The following POLR3B variants were observed in gnomAD, a reference collection of about 807,000 sequenced individuals.
The protein encoded by POLR3B is DNA-directed RNA polymerase III subunit RPC2.
In POLR3B, 96 loss-of-function variants were observed where a neutral mutation model predicts 147.4. The ratio of observed to expected loss-of-function variants is 0.65; its 90% CI spans 0.55 to 0.77. The LOEUF is 0.77. Among genes scored for constraint, POLR3B ranks in the 30% least tolerant of loss-of-function variants. POLR3B has a pLI of 0.00. For synonymous variants in POLR3B, 461 were observed against 485.9 expected (o/e 0.95, Z 0.67); for missense variants, 1,036 against 1,413.5 (o/e 0.73, Z 4.28).
At chr12:106,406,027 C>T (rs1372173807) in intron 11 of POLR3B, 51 bp downstream of exon 11, 3 of 1,595,176 alleles carry the variant, frequency 1.9e-6, no homozygotes, top group Non-Finnish European at 1.7e-6. Flanking sequence ...CTGTGAATTC[C>T]TGTTAGAGAA....
intron 2 of POLR3B, among the ~76,000 whole-genome samples, chr12:106,366,022 C>A (rs2136882278): frequency 6.6e-6 from 1 of 152,236 alleles, no homozygotes; most frequent in Non-Finnish European, 1.5e-5. Flanking sequence ...TCTATGATAA[C>A]AATACCTTCT....
At chr12:106,427,105 T>C in intron 12 of POLR3B, 92 bp from the exon 13 acceptor site, 1 of 868,516 alleles carries the variant, frequency 1.2e-6, no homozygotes, top group Non-Finnish European at 1.8e-6. Context: ...TTCTCCATCT[T>C]ATTTTTTAAA....
intron 23 of POLR3B, among the ~76,000 whole-genome samples, chr12:106,466,397 G>A (rs2038006828): frequency 6.6e-6 from 1 of 152,154 alleles, no homozygotes; most frequent in South Asian, 2.1e-4. Flanking sequence ...CTCCCATTCT[G>A]TAGTTTGCCT....
intron 23 of POLR3B, among the ~76,000 whole-genome samples, chr12:106,492,411 G>A (rs1049331536): frequency 3.9e-5 from 6 of 152,088 alleles, no homozygotes; most frequent in Admixed American, 6.5e-5. Flanking sequence ...TTAGCTGGAC[G>A]TGGTGGCACG....
intron 4 of POLR3B, among the ~76,000 whole-genome samples, chr12:106,368,773 A>G (rs907603349): frequency 6.6e-5 from 10 of 152,160 alleles, no homozygotes; most frequent in Non-Finnish European, 1.3e-4. Context: ...AAAAAAGTAT[A>G]TTCAGAAAAT....
chr12:106,470,219 T>C (rs1313657077), intron 23 of POLR3B, among the ~76,000 whole-genome samples: 1 of 152,080 alleles, frequency 6.6e-6, no homozygotes, highest in Admixed American at 6.6e-5. Context: ...ATCACTGATA[T>C]CCTTTCTTCC....
intron 18 of POLR3B, among the ~76,000 whole-genome samples, chr12:106,438,813 A>G (rs2037612711): frequency 6.6e-6 from 1 of 150,928 alleles, no homozygotes; most frequent in Non-Finnish European, 1.5e-5. Context: ...CAGTGCAGGA[A>G]TTCTCTACAT....
At chr12:106,392,467 T>C (rs1050802438) in intron 9 of POLR3B, among the ~76,000 whole-genome samples, 3 of 152,174 alleles carry the variant, frequency 2.0e-5, no homozygotes, top group Admixed American at 1.3e-4. Flanking sequence ...CTGGCCCATG[T>C]GTTCCTACTT....
intron 6 of POLR3B, among the ~76,000 whole-genome samples, chr12:106,371,017 T>C (rs2036599647): frequency 6.6e-6 from 1 of 152,218 alleles, no homozygotes; most frequent in African/African-American, 2.4e-5. Context: ...AGCTAAATTA[T>C]GAACTAGATT....
Position 106,366,668 on chromosome 12 carries a change from TAATG to T in POLR3B, c.176_179del (p.Met59LysfsTer16), listed in dbSNP as rs771959481. 2 of 1,613,662 alleles carry T rather than the reference TAATG, an allele frequency of 1.2e-6. No homozygotes were observed. On this transcript the variant is annotated frameshift_variant, in exon 4 of 28. Coordinates refer to ENST00000228347, the MANE Select transcript of POLR3B (RefSeq NM_018082.6). LOFTEE classifies it high-confidence loss of function. The stretch of plus-strand genomic sequence containing the variant: ...CATTTTCCACTGCAGATAAAGAAGA[TAATG>T]AAAGCCAATGAAAAGGTTACAAGTG...
chr12:106,403,826 G>T (rs1036045017), intron 10 of POLR3B, among the ~76,000 whole-genome samples: 1 of 104,042 alleles, frequency 9.6e-6, no homozygotes, highest in Non-Finnish European at 1.8e-5. Flanking sequence ...GGGGGGAGGG[G>T]GGAGGGATAG....
intron 23 of POLR3B, among the ~76,000 whole-genome samples, chr12:106,470,391 T>C (rs1319778298): frequency 6.6e-6 from 1 of 152,148 alleles, no homozygotes; most frequent in African/African-American, 2.4e-5. Flanking sequence ...CGCAATGGGT[T>C]AGAACACACT....
chr12:106,396,957 G>A (rs11112971), intron 10 of POLR3B, among the ~76,000 whole-genome samples: 51,054 of 151,564 alleles, frequency 0.34, 11,442 homozygotes, highest in African/African-American at 0.64. Context: ...TGTTGTTGTT[G>A]TTGTCGTTGT....
intron 6 of POLR3B, among the ~76,000 whole-genome samples, chr12:106,371,668 T>C (rs111899536): frequency 7.1e-6 from 1 of 140,092 alleles, no homozygotes. Context: ...AAATCATCAT[T>C]CTCAGTAAAC....
chr12:106,444,649 C>T lies in POLR3B; in HGVS notation c.2083+59C>T. 3.2e-6 allele frequency: 5 copies of T among 1,559,578 alleles called. No homozygotes were observed. In the Middle Eastern group the frequency reaches 5.0e-4, roughly 157 times the overall value. ...ACTTGGAAATACTTTTGGAAAAAGC[C>T]TTACATCTTTATTCCTGCTTCACCA... On this transcript the variant is annotated intron_variant, in intron 19 of 27. Transcript: ENST00000228347.
intron 1 of POLR3B, among the ~76,000 whole-genome samples, chr12:106,360,629 G>A (rs201908608): frequency 6.6e-6 from 1 of 152,202 alleles, no homozygotes; most frequent in Non-Finnish European, 1.5e-5. Flanking sequence ...ACTTGAACTG[G>A]CCATGCCTGG....
chr12:106,372,575 A>G (rs142572183), intron 6 of POLR3B, among the ~76,000 whole-genome samples: 1 of 151,974 alleles, frequency 6.6e-6, no homozygotes, highest in Non-Finnish European at 1.5e-5. Flanking sequence ...TCCTGACCTC[A>G]TGTGATCCAC....
Position 106,357,971 on chromosome 12 carries a change from G to A in POLR3B, c.72+20G>A, listed in dbSNP as rs755346612. On this transcript the variant is annotated intron_variant, in intron 1 of 27. Transcript: ENST00000228347. ...GTAGAGGTCAGTGCCAGGCACGCAG[G>A]GAGCGTCAGGGACAAGGATGCGCCC... The A allele has an allele frequency of 1.2e-6, 2 of 1,610,582 alleles. No homozygotes were observed. Among genetic ancestry groups the A allele is most frequent in the East Asian group, 2.2e-5 (1 of 44,846 alleles).
At chr12:106,403,725 C>G (rs997154849) in intron 10 of POLR3B, among the ~76,000 whole-genome samples, 2 of 149,266 alleles carry the variant, frequency 1.3e-5, no homozygotes, top group African/African-American at 5.0e-5. Context: ...AAACCAAACA[C>G]CACATGTTCT....
Sources: allele counts gnomAD v4.1 joint callset (sites outside exome capture counted in the v4.1 genomes callset), GRCh38; gene constraint gnomAD v4.1.1; transcripts MANE v1.5; gene names NCBI Gene and HGNC (gene_info 2026-07-23, HGNC 2026-07-21).